CSHL1: variants seen among roughly 807,000 people sequenced by gnomAD.
CSHL1 encodes chorionic somatomammotropin hormone like 1, also known as chorionic somatomammotropin hormone-like 1.
CSHL1 carries 25 observed loss-of-function variants against 24.3 expected under a neutral mutation model. That is an observed-to-expected ratio of 1.03 (90% CI 0.75 to 1.44). The LOEUF is 1.44. CSHL1 is among the 40% of genes most tolerant of loss of function. The pLI, the probability that CSHL1 is intolerant of heterozygous loss-of-function variation, is 0.00. For synonymous variants in CSHL1, 157 were observed against 115.6 expected (o/e 1.36, Z -2.30); for missense variants, 342 against 279.3 (o/e 1.22, Z -1.60).
intron 1 of CSHL1, 50 bp downstream of exon 1, chr17:63,911,137 C>A: frequency 6.2e-7 from 1 of 1,612,822 alleles, no homozygotes. Flanking sequence ...CAGGGCGCCG[C>A]CTCTCCCCTC....
Position 63,910,749 on chromosome 17 carries a change from T to C in CSHL1, c.186A>G (p.Gly62=), listed in dbSNP as rs1451403946. 6.2e-7 allele frequency: 1 copy of C among 1,614,070 alleles called. No individual in the cohort carries two copies. Among genetic ancestry groups the C allele is most frequent in the Non-Finnish European group, 8.5e-7 (1 of 1,180,012 alleles). ...DTYQEFISSW[G]MEAYITKEQK... ...CTTGCCACCCCTGACCCGCACCCAT[T>C]CCCCAAGAGCTTATAAACTCCTGGT... The change falls in exon 2 of 5, where the codon GGA becomes GGG. Residue 62 remains glycine, a synonymous_variant. Transcript: ENST00000309894.
chr17:63,910,438 C>T lies in CSHL1; in HGVS notation c.288G>A (p.Glu96=), dbSNP rs768619349. 1.1e-5 allele frequency: 18 copies of T among 1,614,084 alleles called. No individual in the cohort carries two copies. Among genetic ancestry groups the T allele is most frequent in the South Asian group, 9.9e-5 (9 of 91,080 alleles). ...CACTCACGGATTTCTGCTGCGTTTC[C>T]TCCATGTTGGAGGATGTCGGAATAG... is the stretch of plus-strand genomic sequence containing the variant. ...SDSIPTSSNM[E]ETQQKSNLEL... The change falls in exon 3 of 5, where the codon GAG becomes GAA. Residue 96 remains glutamate (E), a synonymous_variant. Transcript: ENST00000309894.
chr17:63,909,695 G>A lies in CSHL1; in HGVS notation c.*16C>T, dbSNP rs200633289. On this transcript the variant is annotated 3_prime_UTR_variant, in exon 5 of 5. Coordinates refer to ENST00000309894, the MANE Select transcript of CSHL1 (RefSeq NM_022579.3). ...GAGAGGCACTGGGGAGGGGTCACAG[G>A]ATGCCACGCGGGCCCCTAGAAGCCA... 87 of 1,614,082 alleles carry A rather than the reference G, an allele frequency of 5.4e-5. 1 individual carries two copies. In the African/African-American group the frequency reaches 9.5e-4, roughly 18 times the overall value.
Position 63,909,856 on chromosome 17 carries a change from C to T in CSHL1, c.524G>A (p.Ser175Asn), listed in dbSNP as rs1162675336. 4.3e-6 allele frequency: 7 copies of T among 1,613,864 alleles called. No individual in the cohort carries two copies. In the African/African-American group the frequency reaches 6.7e-5, roughly 15 times the overall value. Residue 175 changes from serine (S) to asparagine (N), a missense_variant, in exon 5 of 5, where the codon AGC becomes AAC. By Grantham distance (46) the Ser-to-Asn change is conservative (BLOSUM62 1). Transcript: ENST00000309894. ...GTTGTGCGAGTTTGTGTCAAACTTGCTGTAGGTCTGCTTGAGGGTCTGCCC... is the reference window on the plus strand; with the variant it reads ...GTTGTGCGAGTTTGTGTCAAACTTGTTGTAGGTCTGCTTGAGGGTCTGCCC... ...LTGQTLKQTY[S>N]KFDTNSHNHD...
rs577749940 is a variant in CSHL1, at chr17:63,910,978, C to G, written c.11-54G>C. ...AGCCGCAGAGCAAGAGGCCAGCACT[C>G]TCCCTGTTCCAGGAGCTGTTTTCTT... is the stretch of plus-strand genomic sequence containing the variant. On this transcript the variant is annotated intron_variant, in intron 1 of 4. Coordinates refer to ENST00000309894, the MANE Select transcript of CSHL1 (RefSeq NM_022579.3). The G allele has an allele frequency of 1.9e-4, 303 of 1,612,402 alleles. 1 individual carries two copies. Among genetic ancestry groups the G allele is most frequent in the Middle Eastern group, 1.8e-4 (1 of 5,544 alleles).
At chr17:63,910,576 T>C (rs1326692666) in intron 2 of CSHL1, 41 bp from the exon 3 acceptor site, 6 of 1,614,196 alleles carry the variant, frequency 3.7e-6, no homozygotes, top group Admixed American at 1.7e-5. Context: ...GGACCACTGC[T>C]TTCTATGCTG....
chr17:63,910,393 C>T (rs376227697), intron 3 of CSHL1, 27 bp downstream of exon 3: 296 of 1,614,214 alleles, frequency 1.8e-4, no homozygotes, highest in Non-Finnish European at 2.4e-4. Context: ...CCCCCATCCC[C>T]GCCTAGGGGA....
At position 63,910,377 on chromosome 17, in the gene CSHL1, A is replaced by T. The variant is rs779533277; in HGVS notation, c.306+43T>A. 7 of 1,614,118 alleles carry T rather than the reference A, an allele frequency of 4.3e-6. No homozygotes were observed. In the Middle Eastern group the frequency reaches 8.2e-4, roughly 190 times the overall value. The stretch of plus-strand genomic sequence containing the variant: ...TGTGCTGCCCGGGGGCTCTGACCAC[A>T]GGTCTCCCCCATCCCCGCCTAGGGG... On this transcript the variant is annotated intron_variant, in intron 3 of 4. Coordinates refer to ENST00000309894, the MANE Select transcript of CSHL1 (RefSeq NM_022579.3).
chr17:63,909,612 C>G lies in CSHL1; in HGVS notation c.*99G>C, dbSNP rs1366532554. Reference sequence around the variant, plus strand: ...GGACACCTAGTCAGATGAAACAATACAACTTAATTTTATTAAGACAAGGCT... The same window carrying G: ...GGACACCTAGTCAGATGAAACAATAGAACTTAATTTTATTAAGACAAGGCT... On this transcript the variant is annotated 3_prime_UTR_variant, in exon 5 of 5. Coordinates refer to ENST00000309894, the MANE Select transcript of CSHL1 (RefSeq NM_022579.3). 1.0e-5 allele frequency: 16 copies of G among 1,589,150 alleles called. No individual in the cohort carries two copies. Among genetic ancestry groups the G allele is most frequent in the Non-Finnish European group, 1.4e-5 (16 of 1,162,472 alleles).
At position 63,910,838 on chromosome 17, in the gene CSHL1, A is replaced by T. The variant is rs754046990; in HGVS notation, c.97T>A (p.Ser33Thr). The T allele has an allele frequency of 2.0e-5, 33 of 1,614,032 alleles. 1 individual carries two copies. In the South Asian group the frequency reaches 3.5e-4, roughly 17 times the overall value. ...AGCATAGCCTCTTTAAAAAGCCTGG[A>T]TAAGGGAACGGTTTGGACGGCACCA... ...EAGAVQTVPLSRLFKEAMLQA... is the reference protein window; with the variant it reads ...EAGAVQTVPLTRLFKEAMLQA... Residue 33 changes from serine to threonine, a missense_variant, in exon 2 of 5, where the codon TCC becomes ACC. Ser to Thr is a moderately conservative substitution (Grantham distance 58). Transcript: ENST00000309894.
chr17:63,910,587 G>C (rs1486645605), intron 2 of CSHL1, 52 bp from the exon 3 acceptor site: 1 of 1,614,124 alleles, frequency 6.2e-7, no homozygotes, highest in East Asian at 2.2e-5. Context: ...TTCTATGCTG[G>C]AGACCAGCTC....
chr17:63,910,481 G>A lies in CSHL1; in HGVS notation c.245C>T (p.Ser82Phe), dbSNP rs1281841323. Residue 82 changes from serine (S) to phenylalanine (F), a missense_variant, in exon 3 of 5, where the codon TCC (serine) becomes TTC (phenylalanine). Coordinates refer to ENST00000309894, the MANE Select transcript of CSHL1 (RefSeq NM_022579.3). ...CGGAATAGAGTCTGAGAAGCAGAAG[G>A]AGGTCTGGGAGTCATGCAGGAATGA... ...KYSFLHDSQTSFCFSDSIPTS... is the reference protein window; with the variant it reads ...KYSFLHDSQTFFCFSDSIPTS... 2 of 1,614,190 alleles carry A rather than the reference G, an allele frequency of 1.2e-6. No individual in the cohort carries two copies. The highest frequency in any genetic ancestry group is 1.1e-5 in the South Asian group (1 of 91,080).
chr17:63,910,557 C>T, intron 2 of CSHL1, 22 bp from the exon 3 acceptor site: 2 of 1,614,196 alleles, frequency 1.2e-6, no homozygotes, highest in Non-Finnish European at 1.7e-6. Context: ...AAGGACCCCC[C>T]ACCAAGAAGG....
rs1431246591 is a variant in CSHL1 at position 63,910,143 on chromosome 17, C to A, written c.471+19G>T. The stretch of plus-strand genomic sequence containing the variant: ...GCCAGTGGGCTTCCAGGATTGGGGA[C>A]CCCTGGTGCCACCCTCACCCCCATC... On this transcript the variant is annotated intron_variant, in intron 4 of 4. Coordinates refer to ENST00000309894, the MANE Select transcript of CSHL1 (RefSeq NM_022579.3). 5 of 1,614,072 alleles carry A rather than the reference C, an allele frequency of 3.1e-6. No homozygotes were observed. Among genetic ancestry groups the A allele is most frequent in the East Asian group, 2.2e-5 (1 of 44,888 alleles).
In CSHL1 at chr17:63,909,824, C is replaced by T. The variant is rs139297172; in HGVS notation, c.556G>A (p.Ala186Thr). ...AGCAGCCCGTAGTTCTTGAGCAGTG[C>T]GTCATGGTTGTGCGAGTTTGTGTCA... ...KFDTNSHNHD[A>T]LLKNYGLLHC... Residue 186 changes from alanine (A) to threonine (T), a missense_variant, in exon 5 of 5, where the codon GCA (alanine) becomes ACA (threonine). Coordinates refer to ENST00000309894, the MANE Select transcript of CSHL1 (RefSeq NM_022579.3). The T allele has an allele frequency of 9.9e-5, 159 of 1,613,958 alleles. No homozygotes were observed. The African/African-American group carries it at 1.5e-3, about 15-fold the overall frequency.
At position 63,910,848 on chromosome 17, in the gene CSHL1, G is replaced by C. The variant is rs754967967; in HGVS notation, c.87C>G (p.Thr29=). ...CTTTAAAAAGCCTGGATAAGGGAAC[G>C]GTTTGGACGGCACCAGCCTCTTGAA... ...PWLQEAGAVQ[T]VPLSRLFKEA... The change falls in exon 2 of 5, where the codon ACC becomes ACG. Residue 29 remains threonine (T), a synonymous_variant. Transcript: ENST00000309894. The C allele has an allele frequency of 6.2e-7, 1 of 1,614,190 alleles. No homozygotes were observed. Among genetic ancestry groups the C allele is most frequent in the Non-Finnish European group, 8.5e-7 (1 of 1,180,038 alleles).
intron 1 of CSHL1, 58 bp from the exon 2 acceptor site, chr17:63,910,982 C>A (rs1906963447): frequency 5.6e-6 from 9 of 1,612,198 alleles, no homozygotes; most frequent in Non-Finnish European, 7.6e-6. Context: ...AGCACTCTCC[C>A]TGTTCCAGGA....
Position 63,909,912 on chromosome 17 carries a change from C to G in CSHL1, c.472-4G>C, listed in dbSNP as rs779670708. ...GGTGGCTGCCGTCTTCCAGCCTCTGCAAAGTGAAGCAAGAGAAGGAGAGAC... is the reference window on the plus strand; with the variant it reads ...GGTGGCTGCCGTCTTCCAGCCTCTGGAAAGTGAAGCAAGAGAAGGAGAGAC... On this transcript the variant is annotated splice_region_variant and splice_polypyrimidine_tract_variant and intron_variant, in intron 4 of 4. Transcript: ENST00000309894. 6.2e-7 allele frequency: 1 copy of G among 1,614,010 alleles called. No homozygotes were observed. Among genetic ancestry groups the G allele is most frequent in the Middle Eastern group, 1.7e-4 (1 of 6,056 alleles).
Position 63,910,634 on chromosome 17 carries a change from G to A in CSHL1, c.191-99C>T, listed in dbSNP as rs1016439108. 1.5e-5 allele frequency: 25 copies of A among 1,613,898 alleles called. 1 individual carries two copies. The African/African-American group carries it at 3.1e-4, about 20-fold the overall frequency. Reference sequence around the variant, plus strand: ...CTTCTGGGAACCTGGCTCAGCCTATGCTCATCTGCCTGCATTTTCGCTTCA... The same window carrying A: ...CTTCTGGGAACCTGGCTCAGCCTATACTCATCTGCCTGCATTTTCGCTTCA... On this transcript the variant is annotated intron_variant, in intron 2 of 4. Coordinates refer to ENST00000309894, the MANE Select transcript of CSHL1 (RefSeq NM_022579.3).
Sources: gnomAD v4.1 joint callset for allele counts on GRCh38, gnomAD v4.1.1 for gene constraint, MANE v1.5 for transcripts, NCBI Gene and HGNC (gene_info 2026-07-23, HGNC 2026-07-21) for gene names.